The following WRN variants were observed in gnomAD, a reference collection of about 807,000 sequenced individuals.
WRN encodes the protein WRN RecQ like helicase, also known as bifunctional 3'-5' exonuclease/ATP-dependent helicase WRN.
WRN carries 149 observed loss-of-function variants against 180.7 expected under a neutral mutation model. The ratio of observed to expected loss-of-function variants is 0.82; its 90% CI spans 0.72 to 0.94. The LOEUF (loss-of-function observed/expected upper bound fraction) is 0.94, where lower values mean the gene tolerates loss of function less well. WRN is among the 40% of genes least tolerant of loss of function. The probability of loss-of-function intolerance (pLI) is 0.00; values close to 1 mark genes in which losing one functional copy is unlikely to be tolerated. For synonymous variants in WRN, 548 were observed against 568.9 expected, an observed-to-expected ratio of 0.96 and a Z score of 0.52; for missense variants, 1,661 against 1,700.1, an observed-to-expected ratio of 0.98 and a Z score of 0.40.
intron 33 of WRN, among the ~76,000 whole-genome samples, chr8:31,161,989 T>C (rs1585542997): frequency 6.6e-6 from 1 of 152,222 alleles, no homozygotes; most frequent in Admixed American, 6.5e-5. Flanking sequence ...CTGTAGACTT[T>C]ATAAACCCTG....
At chr8:31,071,414 C>T (rs1349981175) in intron 7 of WRN, among the ~76,000 whole-genome samples, 1 of 152,122 alleles carries the variant, frequency 6.6e-6, no homozygotes, top group East Asian at 1.9e-4. Context: ...TGACAATAAT[C>T]CAAGTGAGAA....
At chr8:31,077,165 C>CT (rs1424896495) in intron 8 of WRN, among the ~76,000 whole-genome samples, 1 of 152,162 alleles carries the variant, frequency 6.6e-6, no homozygotes, top group Non-Finnish European at 1.5e-5. Context: ...ATAAATTTAG[C>CT]TTTTTTGTCA....
chr8:31,122,518 T>TA (rs1801761425), intron 21 of WRN, among the ~76,000 whole-genome samples: 1 of 152,024 alleles, frequency 6.6e-6, no homozygotes. Context: ...CATTTGCTGT[T>TA]ACCTTAAATA....
chr8:31,133,472 C>CT lies in WRN; in HGVS notation c.2967+967dup, dbSNP rs1486529372. 4.6e-5 allele frequency among the ~76,000 whole-genome samples: 7 copies of CT among 151,716 alleles called. No homozygotes were observed. The East Asian group carries it at 1.2e-3, about 25-fold the overall frequency. ...CGTGGGAGGCGGAGCTTGCAGTGAG[C>CT]TGAGATTGTGCCACTGCACTCCAGC... On this transcript the variant is annotated intron_variant, in intron 24 of 34. Transcript: ENST00000298139.
At chr8:31,062,587 T>TA (rs1212542586) in intron 3 of WRN, among the ~76,000 whole-genome samples, 1 of 151,594 alleles carries the variant, frequency 6.6e-6, no homozygotes, top group Non-Finnish European at 1.5e-5. Flanking sequence ...TATATATATA[T>TA]TTTTTTATAG....
rs202013204 is a variant in WRN at position 31,120,435 on chromosome 8, T to A, written c.2630+11T>A. On this transcript the variant is annotated intron_variant, in intron 21 of 34. Transcript: ENST00000298139. ...CATTAACTTAAATAGGTAAAAAAAATTTATTGTTTTTACTCTTGCAGATTT... is the reference window on the plus strand; with the variant it reads ...CATTAACTTAAATAGGTAAAAAAAAATTATTGTTTTTACTCTTGCAGATTT... The A allele has an allele frequency of 1.1e-3, 1,789 of 1,607,714 alleles. 26 individuals carry two copies. In the South Asian group the frequency reaches 0.018, roughly 16 times the overall value.
intron 1 of WRN, among the ~76,000 whole-genome samples, chr8:31,051,718 A>G (rs1160814686): frequency 1.3e-5 from 2 of 152,246 alleles, no homozygotes; most frequent in African/African-American, 2.4e-5. Flanking sequence ...AAGAAGTTGC[A>G]TATCTTATTG....
intron 18 of WRN, among the ~76,000 whole-genome samples, chr8:31,110,347 G>C (rs1359561875): frequency 6.6e-6 from 1 of 152,018 alleles, no homozygotes; most frequent in South Asian, 2.1e-4. Flanking sequence ...ATTAATTTTG[G>C]GGTTGCCTTT....
chr8:31,138,828 T>G lies in WRN; in HGVS notation c.2968-2602T>G, dbSNP rs562616516. Among the ~76,000 whole-genome samples, 14 of 152,316 alleles carry G rather than the reference T, an allele frequency of 9.2e-5. 1 individual carries two copies. The South Asian group carries it at 2.9e-3, about 32-fold the overall frequency. ...CTATACCTATCAGAAGCCTATGTTTTAAGTCCAATGTATAGGCACTGCTCT... is the reference window on the plus strand; with the variant it reads ...CTATACCTATCAGAAGCCTATGTTTGAAGTCCAATGTATAGGCACTGCTCT... On this transcript the variant is annotated intron_variant, in intron 24 of 34. Transcript: ENST00000298139.
rs1357401269 is a variant in WRN, at chr8:31,064,862, A to G, written c.356-53A>G. ...ACATGGTATGTATAAGAAGTAGGACATAAATCCATCATACTTGACAGAACT... is the reference window on the plus strand; with the variant it reads ...ACATGGTATGTATAAGAAGTAGGACGTAAATCCATCATACTTGACAGAACT... On this transcript the variant is annotated intron_variant, in intron 4 of 34. Coordinates refer to ENST00000298139, the MANE Select transcript of WRN (RefSeq NM_000553.6). The G allele has an allele frequency of 3.1e-6, 5 of 1,596,580 alleles. 1 individual carries two copies. Among genetic ancestry groups the G allele is most frequent in the South Asian group, 2.2e-5 (2 of 89,974 alleles).
chr8:31,071,272 C>T (rs754097281), intron 7 of WRN, among the ~76,000 whole-genome samples: 4 of 151,762 alleles, frequency 2.6e-5, no homozygotes, highest in Non-Finnish European at 5.9e-5. Context: ...CAAGAGCAAT[C>T]GAAGTGACTG....
At chr8:31,161,065 C>T (rs1375359653) in intron 33 of WRN, among the ~76,000 whole-genome samples, 1 of 149,450 alleles carries the variant, frequency 6.7e-6, no homozygotes, top group Admixed American at 6.7e-5. Context: ...TATCATTTAG[C>T]TGCCTTCTTT....
intron 7 of WRN, among the ~76,000 whole-genome samples, chr8:31,071,572 C>T (rs974099550): frequency 1.7e-4 from 26 of 152,144 alleles, no homozygotes; most frequent in South Asian, 4.1e-4. Flanking sequence ...GCTTCCACCT[C>T]CTGGGTTCAA....
chr8:31,097,034 T>C (rs1023456943), intron 17 of WRN, among the ~76,000 whole-genome samples, 184 bp downstream of exon 17: 4 of 152,232 alleles, frequency 2.6e-5, no homozygotes, highest in Non-Finnish European at 4.4e-5. Flanking sequence ...ATAATTCCTT[T>C]TGCTATAGAA....
chr8:31,092,321 A>G (rs751172907), intron 16 of WRN, among the ~76,000 whole-genome samples: 1 of 151,970 alleles, frequency 6.6e-6, no homozygotes, highest in Non-Finnish European at 1.5e-5. Flanking sequence ...AATTTGCCCA[A>G]AATCACACAA....
At position 31,132,490 on chromosome 8, in the gene WRN, TA is replaced by T. The variant is rs1455560468; in HGVS notation, c.2952del (p.Leu984PhefsTer39). On this transcript the variant is annotated frameshift_variant, in exon 24 of 35. Coordinates refer to ENST00000298139, the MANE Select transcript of WRN (RefSeq NM_000553.6). LOFTEE classifies it high-confidence loss of function. The part of the protein sequence containing the change: ...GEKFGIGLPI[L>X]FLRGSNSQRL... Reference sequence around the variant, plus strand: ...AAATTTGGAATTGGGCTTCCAATTTTATTTCTCCGAGGATCTGTAAGTATAT... The same window carrying T: ...AAATTTGGAATTGGGCTTCCAATTTTTTTCTCCGAGGATCTGTAAGTATAT... 6 of 1,614,060 alleles carry T rather than the reference TA, an allele frequency of 3.7e-6. No individual in the cohort carries two copies. The highest frequency in any genetic ancestry group is 5.1e-6 in the Non-Finnish European group (6 of 1,180,032).
chr8:31,132,451 A>C lies in WRN; in HGVS notation c.2912A>C (p.Asp971Ala), dbSNP rs1585502189. The stretch of plus-strand genomic sequence containing the variant: ...GCATTTAAGCTTTTGTCTGCTGTGG[A>C]CATCTTAGGCGAAAAATTTGGAATT... Reference protein sequence around the residue: ...PQAFKLLSAVDILGEKFGIGL... With the variant: ...PQAFKLLSAVAILGEKFGIGL... Residue 971 changes from aspartate to alanine, a missense_variant, in exon 24 of 35, where the codon GAC (aspartate) becomes GCC (alanine). Physicochemically the swap from Asp to Ala is moderately radical, Grantham distance 126. Transcript: ENST00000298139. 1.9e-6 allele frequency: 3 copies of C among 1,614,148 alleles called. No individual in the cohort carries two copies. Among genetic ancestry groups the C allele is most frequent in the Non-Finnish European group, 2.5e-6 (3 of 1,180,012 alleles).
intron 14 of WRN, 103 bp from the exon 15 acceptor site, chr8:31,090,731 A>C (rs1813714905): frequency 9.1e-7 from 1 of 1,097,914 alleles, no homozygotes; most frequent in African/African-American, 1.6e-5. Flanking sequence ...AGTATTGACC[A>C]TTCATCTGTA....
intron 31 of WRN, 141 bp from the exon 32 acceptor site, chr8:31,154,483 G>A (rs960417583): frequency 8.7e-5 from 83 of 959,468 alleles, no homozygotes; most frequent in Non-Finnish European, 1.1e-4. Context: ...ACTTCTTTTT[G>A]AGCTCCCCAT....
Sources: gnomAD v4.1 joint callset for allele counts (sites outside exome capture counted in the v4.1 genomes callset) on GRCh38, gnomAD v4.1.1 for gene constraint, MANE v1.5 for transcripts, NCBI Gene and HGNC (gene_info 2026-07-23, HGNC 2026-07-21) for gene names.